Variants in SCRN1 observed in about 807,000 individuals in gnomAD.
SCRN1 encodes the protein secernin-1.
Under a neutral mutation model 43.3 loss-of-function variants are expected in SCRN1, and 19 were observed. The ratio of observed to expected loss-of-function variants is 0.44; its 90% CI spans 0.31 to 0.64. SCRN1 has a LOEUF of 0.64. SCRN1 is among the 30% of genes least tolerant of loss of function. SCRN1 has a pLI of 0.09. For missense variants in SCRN1, 447 were observed against 524.1 expected (o/e 0.85, Z 1.44); for synonymous variants, 183 against 188.9 (o/e 0.97, Z 0.26).
chr7:29,957,035 G>C (rs1481343670), intron 2 of SCRN1, among the ~76,000 whole-genome samples: 1 of 152,062 alleles, frequency 6.6e-6, no homozygotes, highest in African/African-American at 2.4e-5. Context: ...CTTTTGTCTT[G>C]AAAACAATGA....
intron 1 of SCRN1, among the ~76,000 whole-genome samples, chr7:29,979,578 G>C (rs1257329410): frequency 6.6e-6 from 1 of 152,144 alleles, no homozygotes; most frequent in East Asian, 1.9e-4. Context: ...GGACACACTT[G>C]AATTCAAGGA....
At chr7:29,947,419 A>G in intron 3 of SCRN1, 1 of 1,387,378 alleles carries the variant, frequency 7.2e-7, no homozygotes, top group East Asian at 2.5e-5. Context: ...TCCATGGATT[A>G]GGAGATCCCT....
intron 6 of SCRN1, among the ~76,000 whole-genome samples, chr7:29,931,622 T>C (rs1208064529): frequency 6.6e-6 from 1 of 152,222 alleles, no homozygotes; most frequent in East Asian, 1.9e-4. Context: ...GAATTTAGAA[T>C]TTAATATCAC....
chr7:29,962,342 C>T (rs1168475923), intron 2 of SCRN1, among the ~76,000 whole-genome samples: 8 of 150,786 alleles, frequency 5.3e-5, no homozygotes, highest in Admixed American at 5.3e-4. Flanking sequence ...CCTGGGACCT[C>T]AACACTCAAG....
intron 6 of SCRN1, among the ~76,000 whole-genome samples, chr7:29,935,069 C>T (rs921455006): frequency 3.9e-5 from 6 of 152,208 alleles, no homozygotes; most frequent in African/African-American, 1.4e-4. Context: ...TCCCCTTCAT[C>T]ATCTCATTTG....
Position 29,921,008 on chromosome 7 carries a change from G to A in SCRN1, c.*2949C>T, listed in dbSNP as rs1428136583. ...AATGAAAGGGTACTATTTCTGCTTT[G>A]CTAATTTACTCCTGCCAGAGCTTCT... On this transcript the variant is annotated 3_prime_UTR_variant, in exon 8 of 8. Coordinates refer to ENST00000242059, the MANE Select transcript of SCRN1 (RefSeq NM_014766.5). 1.3e-5 allele frequency: 2 copies of A among 152,554 alleles called. No homozygotes were observed. Among genetic ancestry groups the A allele is most frequent in the Non-Finnish European group, 2.9e-5 (2 of 68,032 alleles). 9.5% of individuals were successfully genotyped at this position (152,554 alleles called of 1,614,324 possible).
In SCRN1 at chr7:29,942,172, T is replaced by C. The variant is rs149568774; in HGVS notation, c.545-1296A>G. On this transcript the variant is annotated intron_variant, in intron 4 of 7. Coordinates refer to ENST00000242059, the MANE Select transcript of SCRN1 (RefSeq NM_014766.5). ...TGATTTTGACATCATTCCTACTAAG[T>C]TATTTTAAAAAATACTCTTGTAAGC... 5.9e-4 allele frequency among the ~76,000 whole-genome samples: 90 copies of C among 152,352 alleles called. 1 individual carries two copies. The highest frequency in any genetic ancestry group is 1.9e-3 in the African/African-American group (81 of 41,584).
In SCRN1 at chr7:29,921,632, A is replaced by G. The variant is rs997161161; in HGVS notation, c.*2325T>C. ...TACCATGCCCTCTAGTGGTAGGACT[A>G]GGACATCACAATTGTGGTGCAGAGT... On this transcript the variant is annotated 3_prime_UTR_variant, in exon 8 of 8. Coordinates refer to ENST00000242059, the MANE Select transcript of SCRN1 (RefSeq NM_014766.5). 6.6e-6 allele frequency: 1 copy of G among 152,248 alleles called. No individual in the cohort carries two copies. The highest frequency in any genetic ancestry group is 1.5e-5 in the Non-Finnish European group (1 of 68,056). The allele number at this position is 152,248 out of a possible 1,614,324, so 9.4% of individuals were successfully genotyped here. A position where few individuals can be genotyped will look rare whatever the true frequency, so the allele number is the denominator to read the frequency against.
Position 29,935,210 on chromosome 7 carries a change from C to T in SCRN1, c.905+1346G>A, listed in dbSNP as rs115513884. ...ACTAAGAACAGCTAATACTGAGTTC[C>T]GCAGTCAGGTCTGGTTAGAAACATC... On this transcript the variant is annotated intron_variant, in intron 6 of 7. Coordinates refer to ENST00000242059, the MANE Select transcript of SCRN1 (RefSeq NM_014766.5). 4.3e-3 allele frequency among the ~76,000 whole-genome samples: 648 copies of T among 152,242 alleles called. 3 individuals carry two copies. The highest frequency in any genetic ancestry group is 0.014 in the African/African-American group (582 of 41,516).
intron 3 of SCRN1, among the ~76,000 whole-genome samples, chr7:29,944,662 CAAAA>C (rs397729276): frequency 6.4e-5 from 5 of 77,776 alleles, no homozygotes; most frequent in Admixed American, 1.5e-4. Flanking sequence ...GACCCTGTCT[CAAAA>C]AAAAAAAAAA....
chr7:29,949,558 G>C (rs893081752), intron 3 of SCRN1, among the ~76,000 whole-genome samples: 15 of 151,850 alleles, frequency 9.9e-5, no homozygotes, highest in Non-Finnish European at 2.1e-4. Flanking sequence ...TGTATATTTT[G>C]TAGATACAGA....
At chr7:29,936,500 T>C in intron 6 of SCRN1, 56 bp downstream of exon 6, 1 of 1,427,940 alleles carries the variant, frequency 7.0e-7, no homozygotes, top group Non-Finnish European at 9.4e-7. Flanking sequence ...ACTTGCTGAA[T>C]GAGCTTTCAA....
intron 4 of SCRN1, among the ~76,000 whole-genome samples, chr7:29,941,609 C>G (rs1246432944): frequency 4.6e-5 from 7 of 152,092 alleles, no homozygotes; most frequent in Admixed American, 4.6e-4. Flanking sequence ...TTTGAAAAAT[C>G]TATGGGAAAT....
At chr7:29,927,353 C>T in intron 6 of SCRN1, among the ~76,000 whole-genome samples, 1 of 95,024 alleles carries the variant, frequency 1.1e-5, no homozygotes, top group Non-Finnish European at 2.1e-5. Flanking sequence ...ACATCACCCC[C>T]CCACCCACCC....
intron 1 of SCRN1, among the ~76,000 whole-genome samples, chr7:29,983,028 G>A (rs1430212742): frequency 6.6e-6 from 1 of 151,832 alleles, no homozygotes; most frequent in Non-Finnish European, 1.5e-5. Flanking sequence ...TAGTAGAGAC[G>A]TGGTTTCACC....
chr7:29,962,534 G>T (rs758834950), intron 2 of SCRN1, among the ~76,000 whole-genome samples: 2 of 151,688 alleles, frequency 1.3e-5, no homozygotes, highest in Admixed American at 6.6e-5. Context: ...CCAAAAATAC[G>T]AAAATTAGCC....
intron 1 of SCRN1, among the ~76,000 whole-genome samples, chr7:29,976,364 G>A (rs1211141126): frequency 1.3e-5 from 2 of 152,164 alleles, no homozygotes; most frequent in African/African-American, 2.4e-5. Context: ...ACTTACATAA[G>A]GCATCTAGAA....
intron 1 of SCRN1, chr7:29,989,317 G>C (rs1789280132): frequency 6.5e-6 from 1 of 153,812 alleles, no homozygotes; most frequent in South Asian, 2.1e-4. Flanking sequence ...GCAGCAGGTT[G>C]GCTGCCAGGA....
At chr7:29,933,283 G>A (rs1787221078) in intron 6 of SCRN1, among the ~76,000 whole-genome samples, 1 of 152,170 alleles carries the variant, frequency 6.6e-6, no homozygotes, top group Non-Finnish European at 1.5e-5. Flanking sequence ...CAGTTTTATG[G>A]CATTTGCCAA....
Sources: gnomAD v4.1 joint callset for allele counts (sites outside exome capture counted in the v4.1 genomes callset) on GRCh38, gnomAD v4.1.1 for gene constraint, MANE v1.5 for transcripts, NCBI Gene and HGNC (gene_info 2026-07-23, HGNC 2026-07-21) for gene names.